Variants in TMTC2 observed in about 807,000 individuals in gnomAD.
The protein encoded by TMTC2 is transmembrane O-mannosyltransferase targeting cadherins 2.
A neutral mutation model predicts 82.4 loss-of-function variants in TMTC2; 43 were observed. The ratio of observed to expected loss-of-function variants is 0.52; its 90% CI spans 0.41 to 0.67. The LOEUF (loss-of-function observed/expected upper bound fraction) is 0.67, where lower values mean the gene tolerates loss of function less well. Ranked by LOEUF, TMTC2 falls within the 30% of genes least tolerant of loss-of-function variation. TMTC2 has a pLI of 0.00. For missense variants in TMTC2, 919 were observed against 1,012.4 expected, an observed-to-expected ratio of 0.91 and a Z score of 1.25; for synonymous variants, 408 against 381.9, an observed-to-expected ratio of 1.07 and a Z score of -0.80.
At chr12:82,949,194 A>G (rs1592650417) in intron 4 of TMTC2, among the ~76,000 whole-genome samples, 1 of 152,234 alleles carries the variant, frequency 6.6e-6, no homozygotes. Flanking sequence ...AAGAAATTAC[A>G]TAAAGATTAG....
chr12:83,095,381 C>T (rs1189861951), intron 11 of TMTC2, among the ~76,000 whole-genome samples: 1 of 152,000 alleles, frequency 6.6e-6, no homozygotes, highest in Non-Finnish European at 1.5e-5. Context: ...GCTGGGACTA[C>T]AGGTGCCCGC....
chr12:83,106,095 T>A (rs1884382992), intron 11 of TMTC2, among the ~76,000 whole-genome samples: 1 of 152,172 alleles, frequency 6.6e-6, no homozygotes, highest in African/African-American at 2.4e-5. Flanking sequence ...ATCAGATATA[T>A]GTGAGTAAAT....
chr12:83,020,243 A>G (rs906132313), intron 8 of TMTC2, among the ~76,000 whole-genome samples: 1 of 152,128 alleles, frequency 6.6e-6, no homozygotes, highest in Non-Finnish European at 1.5e-5. Flanking sequence ...CACCATTTTC[A>G]TTCTAGGGCT....
chr12:83,055,571 A>G (rs1169906719), intron 10 of TMTC2, among the ~76,000 whole-genome samples: 2 of 152,062 alleles, frequency 1.3e-5, no homozygotes, highest in Non-Finnish European at 2.9e-5. Flanking sequence ...TTTTCCGTGA[A>G]TGGATTTATT....
At chr12:82,802,304 G>A (rs1879049289) in intron 1 of TMTC2, among the ~76,000 whole-genome samples, 1 of 152,196 alleles carries the variant, frequency 6.6e-6, no homozygotes, top group Non-Finnish European at 1.5e-5. Context: ...CCCGTGCGCA[G>A]CCCTTGTTCC....
At chr12:83,108,629 CAAA>C (rs201586162) in intron 11 of TMTC2, among the ~76,000 whole-genome samples, 1 of 108,202 alleles carries the variant, frequency 9.2e-6, no homozygotes. Context: ...GACTCCATCT[CAAA>C]AAAAAAAAAA....
At position 82,909,238 on chromosome 12, in the gene TMTC2, A is replaced by C. The variant is rs559076951; in HGVS notation, c.1483+12592A>C. Among the ~76,000 whole-genome samples, 23 of 152,320 alleles carry C rather than the reference A, an allele frequency of 1.5e-4. No homozygotes were observed. In the South Asian group the frequency reaches 3.5e-3, roughly 23 times the overall value. On this transcript the variant is annotated intron_variant, in intron 3 of 11. Coordinates refer to ENST00000321196, the MANE Select transcript of TMTC2 (RefSeq NM_152588.3). ...TGACCTCCTGCATGAAGTTCATTAA[A>C]GCCTAAACCTAGGTTTATCTGTTTG...
At chr12:82,966,577 T>C (rs1407130598) in intron 6 of TMTC2, among the ~76,000 whole-genome samples, 6 of 152,200 alleles carry the variant, frequency 3.9e-5, no homozygotes, top group Admixed American at 2.6e-4. Flanking sequence ...TTATGCACTT[T>C]AGATGACTAA....
intron 4 of TMTC2, among the ~76,000 whole-genome samples, chr12:82,941,488 TAATA>T (rs1433699462): frequency 6.6e-6 from 1 of 152,226 alleles, no homozygotes; most frequent in Non-Finnish European, 1.5e-5. Flanking sequence ...ATGAGTAATC[TAATA>T]ACTGGATATA....
chr12:83,078,908 G>T (rs1321817190), intron 11 of TMTC2, among the ~76,000 whole-genome samples: 1 of 151,926 alleles, frequency 6.6e-6, no homozygotes, highest in African/African-American at 2.4e-5. Context: ...GAAATAATTA[G>T]AAATGATCCT....
chr12:83,072,207 T>G (rs751192945), intron 11 of TMTC2, among the ~76,000 whole-genome samples: 6 of 152,270 alleles, frequency 3.9e-5, no homozygotes, highest in Admixed American at 6.5e-5. Context: ...TAGGTTGTCA[T>G]TATTGTCGTT....
chr12:82,793,055 A>G (rs909543568), intron 1 of TMTC2, among the ~76,000 whole-genome samples: 7 of 152,156 alleles, frequency 4.6e-5, no homozygotes, highest in Non-Finnish European at 7.4e-5. Context: ...ACCTTTTGAT[A>G]GAATGAATAC....
intron 3 of TMTC2, among the ~76,000 whole-genome samples, chr12:82,921,163 C>G (rs1056228240): frequency 1.5e-4 from 23 of 152,006 alleles, no homozygotes; most frequent in Admixed American, 5.9e-4. Context: ...GCTATAGTCC[C>G]TAAATTAAAA....
chr12:83,095,949 C>A (rs1884014627), intron 11 of TMTC2, among the ~76,000 whole-genome samples: 1 of 152,202 alleles, frequency 6.6e-6, no homozygotes, highest in South Asian at 2.1e-4. Flanking sequence ...CTTGTAGTTT[C>A]TTACTATTAT....
At chr12:82,941,883 A>G (rs1876738375) in intron 4 of TMTC2, among the ~76,000 whole-genome samples, 1 of 151,980 alleles carries the variant, frequency 6.6e-6, no homozygotes, top group African/African-American at 2.4e-5. Context: ...AGTAGCCAGG[A>G]TTACAGATGT....
At chr12:82,833,330 G>T (rs1018782206) in intron 1 of TMTC2, among the ~76,000 whole-genome samples, 1 of 152,136 alleles carries the variant, frequency 6.6e-6, no homozygotes, top group Non-Finnish European at 1.5e-5. Flanking sequence ...AGTGTTAAGA[G>T]CCTTATTGCA....
intron 2 of TMTC2, among the ~76,000 whole-genome samples, chr12:82,892,047 G>A (rs1367959751): frequency 1.3e-5 from 2 of 152,106 alleles, no homozygotes; most frequent in African/African-American, 4.8e-5. Flanking sequence ...GCCTGGGTGA[G>A]AGAGCAAGAC....
chr12:82,748,792 G>A (rs542217995), intron 1 of TMTC2, among the ~76,000 whole-genome samples: 4 of 152,246 alleles, frequency 2.6e-5, no homozygotes, highest in East Asian at 1.9e-4. Context: ...CAGGAGAATC[G>A]CTTGAACCTG....
chr12:82,849,340 G>T (rs1374828006), intron 1 of TMTC2, among the ~76,000 whole-genome samples: 1 of 152,032 alleles, frequency 6.6e-6, no homozygotes, highest in Non-Finnish European at 1.5e-5. Flanking sequence ...AAATGATCAG[G>T]CAGTTTTAAT....
Sources: gnomAD v4.1 joint callset for allele counts (sites outside exome capture counted in the v4.1 genomes callset) on GRCh38, gnomAD v4.1.1 for gene constraint, MANE v1.5 for transcripts, NCBI Gene and HGNC (gene_info 2026-07-23, HGNC 2026-07-21) for gene names.